LRP6: variants seen among roughly 807,000 people sequenced by gnomAD.
LRP6 encodes the protein LDL receptor related protein 6, also known as low-density lipoprotein receptor-related protein 6.
A neutral mutation model predicts 184.1 loss-of-function variants in LRP6; 43 were observed. The observed-to-expected ratio is 0.23, with a 90% CI of 0.18 to 0.30. The LOEUF (loss-of-function observed/expected upper bound fraction) is 0.30, where lower values mean the gene tolerates loss of function less well. Ranked by LOEUF, LRP6 falls within the 10% of genes least tolerant of loss-of-function variation. The pLI is 1.00. For synonymous variants in LRP6, 719 were observed against 684.9 expected, an observed-to-expected ratio of 1.05 and a Z score of -0.78; for missense variants, 1,571 against 2,005.3, an observed-to-expected ratio of 0.78 and a Z score of 4.14.
chr12:12,212,975 TG>T lies in LRP6; in HGVS notation c.450-9576del, dbSNP rs529728622. Among the ~76,000 whole-genome samples, 5 of 152,338 alleles carry T rather than the reference TG, an allele frequency of 3.3e-5. No homozygotes were observed. In the South Asian group the frequency reaches 1.0e-3, roughly 32 times the overall value. On this transcript the variant is annotated intron_variant, in intron 2 of 22. Coordinates refer to ENST00000261349, the MANE Select transcript of LRP6 (RefSeq NM_002336.3). ...CAAATGCCAAAGAAATGTGTCACTG[TG>T]GATATTATAAAGATATTGTTGAATA...
intron 3 of LRP6, among the ~76,000 whole-genome samples, chr12:12,199,145 G>A (rs1863847998): frequency 2.0e-5 from 3 of 151,878 alleles, no homozygotes; most frequent in East Asian, 1.9e-4. Flanking sequence ...AAAAAAAAAG[G>A]AGCACAAATG....
At chr12:12,137,465 T>C (rs1565545315) in intron 16 of LRP6, among the ~76,000 whole-genome samples, 1 of 152,086 alleles carries the variant, frequency 6.6e-6, no homozygotes, top group African/African-American at 2.4e-5. Flanking sequence ...GAGATGGCTA[T>C]TTTTCTAAGC....
Position 12,130,832 on chromosome 12 carries a change from C to T in LRP6, c.4032G>A (p.Lys1344=). The T allele has an allele frequency of 6.2e-7, 1 of 1,613,892 alleles. No homozygotes were observed. Among genetic ancestry groups the T allele is most frequent in the South Asian group, 1.1e-5 (1 of 91,070 alleles). The change falls in exon 19 of 23, where the codon AAG becomes AAA. Residue 1344 remains lysine (K), a synonymous_variant. Transcript: ENST00000261349. ...CACTGCAATCCACATTATGATCACA[C>T]TTCTTGTGCTTTCCAATGCACTGAC... The part of the protein sequence containing the change: ...ANGQCIGKHK[K]CDHNVDCSDK...
intron 1 of LRP6, among the ~76,000 whole-genome samples, chr12:12,265,259 A>G (rs1865728089): frequency 6.6e-6 from 1 of 152,256 alleles, no homozygotes. Context: ...ACACTTCATT[A>G]AAATTTCTGC....
chr12:12,169,502 G>A (rs1433570121), intron 7 of LRP6, among the ~76,000 whole-genome samples: 1 of 152,162 alleles, frequency 6.6e-6, no homozygotes, highest in African/African-American at 2.4e-5. Context: ...GTCTCAGGAA[G>A]AAGAGAGCAA....
At chr12:12,141,292 T>C (rs906087567) in intron 15 of LRP6, among the ~76,000 whole-genome samples, 7 of 151,988 alleles carry the variant, frequency 4.6e-5, no homozygotes, top group African/African-American at 1.2e-4. Context: ...GGAAAGAACA[T>C]GTTAAAAGCT....
chr12:12,161,459 G>A (rs1313096916), intron 10 of LRP6, among the ~76,000 whole-genome samples: 2 of 151,934 alleles, frequency 1.3e-5, no homozygotes, highest in East Asian at 1.9e-4. Context: ...TAGTAGTTAC[G>A]GGGTTTCACC....
chr12:12,128,623 A>T (rs1949705822), intron 19 of LRP6, among the ~76,000 whole-genome samples: 1 of 152,364 alleles, frequency 6.6e-6, no homozygotes, highest in East Asian at 1.9e-4. Flanking sequence ...AGACACCATA[A>T]ATAAAGTCAT....
At chr12:12,158,016 A>C (rs564513260) in intron 12 of LRP6, among the ~76,000 whole-genome samples, 44 of 152,324 alleles carry the variant, frequency 2.9e-4, no homozygotes, top group Non-Finnish European at 5.0e-4. Context: ...AAATGAAAAG[A>C]TCTGGTAACA....
At position 12,149,104 on chromosome 12, in the gene LRP6, T is replaced by C; in HGVS notation, c.3044A>G (p.Gln1015Arg). ...SSVPSQNLEI[Q>R]PYDLSIDIYS... is the part of the protein sequence containing the mutation. ...AATATCAATGCTGAGGTCATAGGGT[T>C]GTATTTCCAGGTTCTGACTCGGAAC... The change falls in exon 14 of 23, where the codon CAA (glutamine) becomes CGA (arginine). Residue 1015 changes from glutamine (Q) to arginine (R), a missense_variant. Around this residue, in one of 4 missense-constraint regions of LRP6, gnomAD observed 763 missense variants for 859.5 expected, o/e 0.89. Transcript: ENST00000261349. 1 of 1,614,078 alleles carries C rather than the reference T, an allele frequency of 6.2e-7. No homozygotes were observed. The highest frequency in any genetic ancestry group is 8.5e-7 in the Non-Finnish European group (1 of 1,179,994).
chr12:12,153,750 G>A (rs1051439992), intron 12 of LRP6, among the ~76,000 whole-genome samples: 40 of 152,204 alleles, frequency 2.6e-4, no homozygotes, highest in African/African-American at 7.9e-4. Context: ...CTTTAACAAC[G>A]ACCTCATCTG....
At chr12:12,141,599 T>C (rs935178515) in intron 15 of LRP6, among the ~76,000 whole-genome samples, 3 of 152,132 alleles carry the variant, frequency 2.0e-5, no homozygotes, top group Non-Finnish European at 4.4e-5. Flanking sequence ...TCAGCATCTG[T>C]ATACTCCCAG....
intron 2 of LRP6, among the ~76,000 whole-genome samples, chr12:12,213,939 G>A (rs1864276530): frequency 6.6e-6 from 1 of 152,026 alleles, no homozygotes; most frequent in Admixed American, 6.6e-5. Context: ...TTGATGTAAG[G>A]ATTAAAGTAA....
chr12:12,250,168 TTC>T (rs757494003), intron 1 of LRP6, among the ~76,000 whole-genome samples: 2 of 152,218 alleles, frequency 1.3e-5, no homozygotes, highest in African/African-American at 2.4e-5. Flanking sequence ...TCAAAAGCCA[TTC>T]TGATTCCCCT....
intron 16 of LRP6, among the ~76,000 whole-genome samples, 176 bp downstream of exon 16, chr12:12,138,149 C>T (rs1184596569): frequency 5.3e-5 from 8 of 149,736 alleles, no homozygotes; most frequent in Non-Finnish European, 1.0e-4. Flanking sequence ...CCAGCCTGGG[C>T]GACAGAGTGA....
At chr12:12,229,896 G>A (rs1311927597) in intron 2 of LRP6, among the ~76,000 whole-genome samples, 4 of 152,176 alleles carry the variant, frequency 2.6e-5, no homozygotes, top group East Asian at 3.8e-4. Flanking sequence ...AAGAGAGAAT[G>A]AACATATGTA....
chr12:12,208,705 AC>A (rs1171271608), intron 2 of LRP6, among the ~76,000 whole-genome samples: 3 of 152,084 alleles, frequency 2.0e-5, no homozygotes, highest in Non-Finnish European at 2.9e-5. Flanking sequence ...TTCTCCTCTA[AC>A]CCCCAACTCA....
At chr12:12,160,659 C>T (rs1862717405) in intron 10 of LRP6, among the ~76,000 whole-genome samples, 1 of 152,132 alleles carries the variant, frequency 6.6e-6, no homozygotes, top group Non-Finnish European at 1.5e-5. Flanking sequence ...TTGAGTTTTG[C>T]ACTTTAATCT....
chr12:12,224,865 G>T (rs1223653424), intron 2 of LRP6, among the ~76,000 whole-genome samples: 2 of 152,134 alleles, frequency 1.3e-5, no homozygotes, highest in African/African-American at 4.8e-5. Flanking sequence ...TATAAATAAG[G>T]TAAGAACATA....
Sources: gnomAD v4.1 joint callset for allele counts (sites outside exome capture counted in the v4.1 genomes callset) on GRCh38, gnomAD v4.1.1 for gene constraint, gnomAD v4.1.1 regional missense constraint, MANE v1.5 for transcripts, NCBI Gene and HGNC (gene_info 2026-07-23, HGNC 2026-07-21) for gene names.